Variants in DYNC1I2 observed in about 807,000 individuals in gnomAD.
The protein encoded by DYNC1I2 is cytoplasmic dynein 1 intermediate chain 2.
A neutral mutation model predicts 88.6 loss-of-function variants in DYNC1I2; 53 were observed. The observed-to-expected ratio is 0.60, with a 90% confidence interval of 0.48 to 0.75. The LOEUF is 0.75. Among genes scored for constraint, DYNC1I2 ranks in the 30% least tolerant of loss-of-function variants. DYNC1I2 has a pLI of 0.00. For missense variants in DYNC1I2, 458 were observed against 766.6 expected (o/e 0.60, Z 4.75); for synonymous variants, 198 against 254.6 (o/e 0.78, Z 2.12).
intron 5 of DYNC1I2, among the ~76,000 whole-genome samples, chr2:171,711,555 A>T (rs1559378401): frequency 6.6e-6 from 1 of 152,234 alleles, no homozygotes; most frequent in Admixed American, 6.5e-5. Flanking sequence ...AGACCATCTC[A>T]TAGAACTTTT....
intron 3 of DYNC1I2, 85 bp downstream of exon 3, chr2:171,692,979 A>G (rs759456463): frequency 8.4e-6 from 8 of 949,784 alleles, no homozygotes; most frequent in East Asian, 5.3e-5. Flanking sequence ...GACTTGATAT[A>G]TTTTACATAT....
intron 7 of DYNC1I2, among the ~76,000 whole-genome samples, chr2:171,724,163 T>C (rs1688085481): frequency 6.6e-6 from 1 of 152,248 alleles, no homozygotes; most frequent in East Asian, 1.9e-4. Flanking sequence ...CATTATCATT[T>C]TGATTAAGTT....
intron 15 of DYNC1I2, among the ~76,000 whole-genome samples, chr2:171,741,892 G>A (rs772312194): frequency 8.5e-4 from 129 of 151,842 alleles, no homozygotes; most frequent in Non-Finnish European, 6.3e-4. Context: ...GATCAGCCTG[G>A]CCAACATGGT....
At chr2:171,735,206 A>G (rs1055693834) in intron 15 of DYNC1I2, among the ~76,000 whole-genome samples, 1 of 152,190 alleles carries the variant, frequency 6.6e-6, no homozygotes, top group Admixed American at 6.5e-5. Flanking sequence ...CACAGCCTCA[A>G]ATTTAGTTTA....
chr2:171,705,595 T>C (rs1241136582), intron 3 of DYNC1I2, among the ~76,000 whole-genome samples: 1 of 152,094 alleles, frequency 6.6e-6, no homozygotes, highest in Non-Finnish European at 1.5e-5. Flanking sequence ...TAAGTATTAC[T>C]CTAGTCCTAT....
At chr2:171,747,207 TTATATATATATATA>T (rs67834157) in intron 17 of DYNC1I2, among the ~76,000 whole-genome samples, 1 of 124,702 alleles carries the variant, frequency 8.0e-6, no homozygotes, top group African/African-American at 2.9e-5. Flanking sequence ...AAAAAAAAAA[TTATATATATATATA>T]TATATATATA....
At chr2:171,692,074 G>A (rs532271045) in intron 2 of DYNC1I2, among the ~76,000 whole-genome samples, 2 of 152,002 alleles carry the variant, frequency 1.3e-5, no homozygotes, top group African/African-American at 4.8e-5. Flanking sequence ...GGTGGCATAG[G>A]GATTTGAGAT....
chr2:171,702,563 C>T (rs79433439), intron 3 of DYNC1I2, among the ~76,000 whole-genome samples: 2 of 151,950 alleles, frequency 1.3e-5, no homozygotes, highest in Non-Finnish European at 2.9e-5. Context: ...GAATGTACTC[C>T]TTATTAAATA....
chr2:171,709,202 A>G (rs1294572930), intron 5 of DYNC1I2, among the ~76,000 whole-genome samples: 1 of 152,186 alleles, frequency 6.6e-6, no homozygotes, highest in African/African-American at 2.4e-5. Context: ...TGAATAGTAG[A>G]TTATTTTAAT....
chr2:171,702,906 C>G (rs1490123853), intron 3 of DYNC1I2, among the ~76,000 whole-genome samples: 5 of 151,992 alleles, frequency 3.3e-5, no homozygotes, highest in Non-Finnish European at 7.4e-5. Flanking sequence ...GAAATGGGGA[C>G]TCACCCATCT....
rs550114838 is a variant in DYNC1I2 at position 171,750,089 on chromosome 2, T to C, written c.*2200T>C. Among the ~76,000 whole-genome samples the C allele has an allele frequency of 6.0e-4, 91 of 152,320 alleles. No homozygotes were observed. The highest frequency in any genetic ancestry group is 5.9e-5 in the Non-Finnish European group (4 of 68,008). ...TCTTTTTGAGTGGAACGTTAAAGTTTATTACCTTCATGTTAAGGAATATCC... is the reference window on the plus strand; with the variant it reads ...TCTTTTTGAGTGGAACGTTAAAGTTCATTACCTTCATGTTAAGGAATATCC... On this transcript the variant is annotated 3_prime_UTR_variant, in exon 18 of 18. Transcript: ENST00000397119.
intron 10 of DYNC1I2, 146 bp from the exon 11 acceptor site, chr2:171,726,645 A>G (rs1688275470): frequency 3.8e-6 from 3 of 799,540 alleles, no homozygotes; most frequent in Admixed American, 3.4e-5. Flanking sequence ...ATGTCCCAGT[A>G]GGCATAATGC....
chr2:171,733,459 C>CTTTTTTTTTTTTTTTTTTTTTTTTTT lies in DYNC1I2; in HGVS notation c.1536+3611_1536+3636dup, dbSNP rs61079902. 2.9e-4 allele frequency among the ~76,000 whole-genome samples: 16 copies of CTTTTTTTTTTTTTTTTTTTTTTTTTT among 55,804 alleles called. 4 individuals carry two copies. The highest frequency in any genetic ancestry group is 6.0e-4 in the Admixed American group (2 of 3,354). The allele number at this position is 55,804 out of a possible 152,430, so 36.6% of individuals were successfully genotyped here. On this transcript the variant is annotated intron_variant, in intron 15 of 17. Coordinates refer to ENST00000397119, the MANE Select transcript of DYNC1I2 (RefSeq NM_001378.3). ...TTTTTCTCCACAACCTTGCCAGCATCTTTTTTTTTTTTTTTTTTTTTTTTT... is the reference window on the plus strand; with the variant it reads ...TTTTTCTCCACAACCTTGCCAGCATCTTTTTTTTTTTTTTTTTTTTTTTTTTTTTTTTTTTTTTTTTTTTTTTTTTT...
Position 171,726,801 on chromosome 2 carries a change from T to G in DYNC1I2, c.881T>G (p.Leu294Ter). Residue 294 changes from leucine (L) to a stop codon, truncating the protein, a stop_gained, in exon 11 of 18, where the codon TTA becomes TGA. Coordinates refer to ENST00000397119, the MANE Select transcript of DYNC1I2 (RefSeq NM_001378.3). LOFTEE classifies it high-confidence loss of function. Reference sequence around the variant, plus strand: ...GATTCTTCTGAGCAGTATCCGGAGTTACTCGTGGCTTCCTATAACAACAAT... The same window carrying G: ...GATTCTTCTGAGCAGTATCCGGAGTGACTCGTGGCTTCCTATAACAACAAT... Reference protein sequence around the residue: ...CLDWSSQYPELLVASYNNNED... With the variant: ...CLDWSSQYPE 3.7e-6 allele frequency: 6 copies of G among 1,613,114 alleles called. No individual in the cohort carries two copies. The highest frequency in any genetic ancestry group is 5.1e-6 in the Non-Finnish European group (6 of 1,179,310).
intron 3 of DYNC1I2, among the ~76,000 whole-genome samples, chr2:171,693,386 G>C (rs553904914): frequency 2.0e-5 from 3 of 152,276 alleles, no homozygotes; most frequent in African/African-American, 4.8e-5. Context: ...GCTTATTTTC[G>C]AAGTGATTTG....
At chr2:171,729,657 A>T in intron 14 of DYNC1I2, 52 bp from the exon 15 acceptor site, 1 of 1,592,460 alleles carries the variant, frequency 6.3e-7, no homozygotes, top group Non-Finnish European at 8.6e-7. Context: ...TGTGTATGTA[A>T]TTGGTCTACT....
chr2:171,738,975 C>T (rs1689203089), intron 15 of DYNC1I2, among the ~76,000 whole-genome samples: 1 of 151,946 alleles, frequency 6.6e-6, no homozygotes, highest in Non-Finnish European at 1.5e-5. Context: ...ATGGTGAAAC[C>T]CCATCTCTAC....
intron 3 of DYNC1I2, among the ~76,000 whole-genome samples, chr2:171,697,413 T>G (rs907337882): frequency 5.9e-5 from 9 of 152,234 alleles, no homozygotes; most frequent in Non-Finnish European, 1.2e-4. Context: ...AATTGGTTTG[T>G]AGACTGTCTC....
At chr2:171,692,756 T>C in intron 2 of DYNC1I2, 21 bp from the exon 3 acceptor site, 1 of 1,547,658 alleles carries the variant, frequency 6.5e-7, no homozygotes, top group Non-Finnish European at 8.7e-7. Context: ...TAAACATAAG[T>C]TTTTAACCTA....
Sources: gnomAD v4.1 joint callset for allele counts (sites outside exome capture counted in the v4.1 genomes callset) on GRCh38, gnomAD v4.1.1 for gene constraint, MANE v1.5 for transcripts, NCBI Gene and HGNC (gene_info 2026-07-23, HGNC 2026-07-21) for gene names.